COL4A3: variants seen among roughly 807,000 people sequenced by gnomAD.
The protein encoded by COL4A3 is collagen alpha-3(IV) chain.
Under a neutral mutation model 217.4 loss-of-function variants are expected in COL4A3, and 135 were observed. That is an observed-to-expected ratio of 0.62 (90% confidence interval 0.54 to 0.72). COL4A3 has a LOEUF of 0.72. COL4A3 is among the 30% of genes least tolerant of loss of function. The pLI, the probability that COL4A3 is intolerant of heterozygous loss-of-function variation, is 0.00. For missense variants in COL4A3, 1,868 were observed against 2,119.9 expected, an observed-to-expected ratio of 0.88 and a Z score of 2.33; for synonymous variants, 690 against 736.3, an observed-to-expected ratio of 0.94 and a Z score of 1.02.
chr2:227,248,870 A>G, intron 9 of COL4A3, among the ~76,000 whole-genome samples: 1 of 152,124 alleles, frequency 6.6e-6, no homozygotes, highest in Admixed American at 6.6e-5. Flanking sequence ...TGTATCACAC[A>G]TTGAGTATCA....
At chr2:227,194,095 A>AAG (rs2066376164) in intron 1 of COL4A3, among the ~76,000 whole-genome samples, 1 of 102,492 alleles carries the variant, frequency 9.8e-6, no homozygotes, top group African/African-American at 3.9e-5. Context: ...GAGGGAGGAA[A>AAG]GAAGGAAGGA....
intron 51 of COL4A3, 109 bp downstream of exon 51, chr2:227,311,057 A>G (rs932023293): frequency 8.8e-7 from 1 of 1,138,736 alleles, no homozygotes; most frequent in East Asian, 2.4e-5. Flanking sequence ...TACTGTGCCA[A>G]TAAAGACAAA....
chr2:227,240,126 C>G lies in COL4A3; in HGVS notation c.145-17C>G. 6.3e-7 allele frequency: 1 copy of G among 1,589,952 alleles called. No individual in the cohort carries two copies. Among genetic ancestry groups the G allele is most frequent in the Non-Finnish European group, 8.6e-7 (1 of 1,165,954 alleles). On this transcript the variant is annotated splice_polypyrimidine_tract_variant and intron_variant, in intron 2 of 51. Transcript: ENST00000396578. ...TTGCTGCTCTGTGTGTTTCTCACCT[C>G]GTTTTGGTTTTAACAGGGGGAGAAG...
intron 1 of COL4A3, among the ~76,000 whole-genome samples, chr2:227,229,039 G>A (rs149840891): frequency 6.6e-6 from 1 of 152,312 alleles, no homozygotes; most frequent in African/African-American, 2.4e-5. Context: ...TAGACTCACA[G>A]AGGTGAGGTG....
chr2:227,296,145 G>A (rs543632375), intron 41 of COL4A3, among the ~76,000 whole-genome samples: 2 of 152,320 alleles, frequency 1.3e-5, no homozygotes, highest in South Asian at 4.1e-4. Flanking sequence ...AACAGTTAAA[G>A]TGTAAAAGTA....
intron 1 of COL4A3, among the ~76,000 whole-genome samples, chr2:227,219,475 C>A (rs902536693): frequency 3.3e-5 from 5 of 152,164 alleles, no homozygotes; most frequent in African/African-American, 1.2e-4. Flanking sequence ...TCCCCCTTGG[C>A]TTTCTTGTCT....
intron 39 of COL4A3, 110 bp from the exon 40 acceptor site, chr2:227,294,854 A>C: frequency 1.1e-6 from 1 of 887,140 alleles, no homozygotes; most frequent in Non-Finnish European, 1.9e-6. Context: ...AGCCTGTTTA[A>C]CACAATTCCA....
At chr2:227,310,713 G>A in intron 50 of COL4A3, 63 bp from the exon 51 acceptor site, 1 of 1,405,350 alleles carries the variant, frequency 7.1e-7, no homozygotes, top group East Asian at 2.3e-5. Context: ...AAAAAAAGTA[G>A]AGAATTGAAA....
At chr2:227,184,517 T>C (rs527760911) in intron 1 of COL4A3, among the ~76,000 whole-genome samples, 1 of 152,366 alleles carries the variant, frequency 6.6e-6, no homozygotes, top group East Asian at 1.9e-4. Context: ...ATAAGTCTTA[T>C]ATTTTGTACC....
chr2:227,214,033 T>C (rs537523282), intron 1 of COL4A3, among the ~76,000 whole-genome samples: 119 of 152,216 alleles, frequency 7.8e-4, no homozygotes, highest in Non-Finnish European at 2.8e-4. Context: ...AAACTAATGC[T>C]ATATGGTATG....
chr2:227,199,939 T>G (rs760861941), intron 1 of COL4A3, among the ~76,000 whole-genome samples: 1 of 152,230 alleles, frequency 6.6e-6, no homozygotes, highest in Non-Finnish European at 1.5e-5. Context: ...ACTCATAAAT[T>G]ATATTGCATG....
chr2:227,297,492 A>G (rs905499591), intron 41 of COL4A3, among the ~76,000 whole-genome samples, 182 bp from the exon 42 acceptor site: 1 of 152,170 alleles, frequency 6.6e-6, no homozygotes. Context: ...CTGAGTCTCA[A>G]CTCAGTTTTT....
rs1006168936 is a variant in COL4A3, at chr2:227,312,953, A to G, written c.*1083A>G. ...AAAAAAAAAAAAAGCAACACTTTTTATGTTATATGTTGTTCTTACAAACCA... is the reference window on the plus strand; with the variant it reads ...AAAAAAAAAAAAAGCAACACTTTTTGTGTTATATGTTGTTCTTACAAACCA... On this transcript the variant is annotated 3_prime_UTR_variant, in exon 52 of 52. Coordinates refer to ENST00000396578, the MANE Select transcript of COL4A3 (RefSeq NM_000091.5). 12 of 150,264 alleles carry G rather than the reference A, an allele frequency of 8.0e-5. No homozygotes were observed. Among genetic ancestry groups the G allele is most frequent in the African/African-American group, 2.9e-4 (12 of 40,898 alleles). The allele number at this position is 150,264 out of a possible 1,614,324, so 9.3% of individuals were successfully genotyped here. A position where few individuals can be genotyped will look rare whatever the true frequency, so the allele number is the denominator to read the frequency against.
At position 227,253,629 on chromosome 2, in the gene COL4A3, T is replaced by C. The variant is rs1412919917; in HGVS notation, c.756T>C (p.Asp252=). ...TTATTGTGACCCTAACTGGCCCAGA[T>C]AACAGAACGGTAACTCTGCGATTTT... The part of the protein sequence containing the change: ...GTVIVTLTGP[D]NRTDLKGEKG... Residue 252 remains aspartate, a synonymous_variant, in exon 13 of 52, where the codon GAT becomes GAC. Transcript: ENST00000396578. This position sits in a 1 kb window ranked among gnomAD's most constrained non-coding sequence, Gnocchi z 4.4. 3 of 1,613,816 alleles carry C rather than the reference T, an allele frequency of 1.9e-6. No individual in the cohort carries two copies. The highest frequency in any genetic ancestry group is 3.3e-5 in the Admixed American group (2 of 59,994).
chr2:227,272,911 G>A (rs1479467567), intron 25 of COL4A3, 38 bp from the exon 26 acceptor site: 1 of 1,607,524 alleles, frequency 6.2e-7, no homozygotes, highest in Non-Finnish European at 8.5e-7. Flanking sequence ...GAATATACTG[G>A]AATGAAGCAC....
rs537463560 is a variant in COL4A3 at position 227,282,411 on chromosome 2, C to A, written c.2535C>A (p.Gly845=). Residue 845 remains glycine (G), a synonymous_variant, in exon 32 of 52, where the codon GGC becomes GGA. Transcript: ENST00000396578. The surrounding 1 kb of genome is among the most constrained non-coding windows in gnomAD (Gnocchi z 4.4). ...CAAAGGGAGACCCAGGAATTCCAGG[C>A]TTGGATAGATCAGGATTTCCTGGAG... ...TGPKGDPGIP[G]LDRSGFPGET... is the part of the protein sequence containing the mutation. The A allele has an allele frequency of 6.2e-7, 1 of 1,613,240 alleles. No individual in the cohort carries two copies. The highest frequency in any genetic ancestry group is 1.3e-5 in the African/African-American group (1 of 74,718).
chr2:227,264,198 G>T (rs1027634070), intron 21 of COL4A3, among the ~76,000 whole-genome samples: 1 of 152,214 alleles, frequency 6.6e-6, no homozygotes, highest in Admixed American at 6.5e-5. Flanking sequence ...AGAGTGATGT[G>T]GGGAAGGATG....
At chr2:227,190,136 A>C (rs1352300456) in intron 1 of COL4A3, among the ~76,000 whole-genome samples, 2 of 152,240 alleles carry the variant, frequency 1.3e-5, no homozygotes, top group African/African-American at 4.8e-5. Context: ...TCTTAGCTGC[A>C]GTCACTATTC....
At chr2:227,190,122 T>G (rs1205617205) in intron 1 of COL4A3, among the ~76,000 whole-genome samples, 3 of 152,244 alleles carry the variant, frequency 2.0e-5, no homozygotes. Flanking sequence ...CATTCCCTGA[T>G]GCATCTTAGC....
Sources: gnomAD v4.1 joint callset for allele counts (sites outside exome capture counted in the v4.1 genomes callset) on GRCh38, gnomAD v4.1.1 for gene constraint, Gnocchi (gnomAD v3.1) non-coding constraint, MANE v1.5 for transcripts, NCBI Gene and HGNC (gene_info 2026-07-23, HGNC 2026-07-21) for gene names.